DACH1: variants seen among roughly 807,000 people sequenced by gnomAD.
DACH1 encodes dachshund family transcription factor 1, also known as dachshund homolog 1.
In DACH1, 12 loss-of-function variants were observed where a neutral mutation model predicts 54.2. The observed-to-expected ratio is 0.22, with a 90% CI of 0.14 to 0.36. The LOEUF is 0.36. DACH1 is among the 10% of genes least tolerant of loss of function. DACH1 has a pLI of 1.00. For missense variants in DACH1, 805 were observed against 929.8 expected (o/e 0.87, Z 1.75); for synonymous variants, 386 against 366.2 (o/e 1.05, Z -0.62).
intron 10 of DACH1, among the ~76,000 whole-genome samples, chr13:71,444,124 A>T (rs1451096512): frequency 6.6e-6 from 1 of 152,112 alleles, no homozygotes; most frequent in East Asian, 1.9e-4. Flanking sequence ...TAAACAGAAC[A>T]AAAATTTCTG....
At chr13:71,826,069 A>G (rs1163560483) in intron 1 of DACH1, among the ~76,000 whole-genome samples, 1 of 152,074 alleles carries the variant, frequency 6.6e-6, no homozygotes, top group East Asian at 1.9e-4. Context: ...CATCTTAAAA[A>G]CTGGAAATTA....
intron 6 of DACH1, among the ~76,000 whole-genome samples, chr13:71,556,536 C>CTATGTAGAT (rs1884262270): frequency 6.6e-6 from 1 of 151,994 alleles, no homozygotes; most frequent in Non-Finnish European, 1.5e-5. Flanking sequence ...ACTTTTTTAG[C>CTATGTAGAT]TATGTAGAAC....
At chr13:71,562,805 A>C (rs1364457556) in intron 4 of DACH1, among the ~76,000 whole-genome samples, 2 of 152,142 alleles carry the variant, frequency 1.3e-5, no homozygotes, top group Non-Finnish European at 2.9e-5. Context: ...TTCAAATGGC[A>C]ATATTCTCAT....
At position 71,489,130 on chromosome 13, in the gene DACH1, G is replaced by A. The variant is rs767975072; in HGVS notation, c.1589C>T (p.Thr530Ile). ...GTCAAGGCTGTCTCTTGCGGTTGGT[G>A]TAGAAAGCGGGGTCTCATCTGCATG... ...HIEKDETPLS[T>I]PTARDSLDKL... The change falls in exon 7 of 11, where the codon ACA (threonine) becomes ATA (isoleucine). Residue 530 changes from threonine to isoleucine, a missense_variant. This residue lies in a region of DACH1 where 472 missense variants were observed against 545.3 expected (regional missense o/e 0.87). Coordinates refer to ENST00000613252, the MANE Select transcript of DACH1 (RefSeq NM_080759.6). 1 of 1,613,418 alleles carries A rather than the reference G, an allele frequency of 6.2e-7. No individual in the cohort carries two copies. The highest frequency in any genetic ancestry group is 8.5e-7 in the Non-Finnish European group (1 of 1,179,548).
intron 1 of DACH1, among the ~76,000 whole-genome samples, chr13:71,723,985 C>A (rs904336184): frequency 6.6e-6 from 1 of 152,148 alleles, no homozygotes; most frequent in Admixed American, 6.6e-5. Context: ...ACCACTGCAC[C>A]TGGCCTGTTT....
intron 2 of DACH1, among the ~76,000 whole-genome samples, chr13:71,665,697 T>C (rs1435633830): frequency 1.3e-5 from 2 of 152,070 alleles, no homozygotes; most frequent in East Asian, 3.8e-4. Context: ...AAAAAGTTCA[T>C]CTAACAATTT....
rs556098408 is a variant in DACH1, at chr13:71,587,027, CAT to C, written c.1127-14017_1127-14016del. Among the ~76,000 whole-genome samples, 47 of 152,228 alleles carry C rather than the reference CAT, an allele frequency of 3.1e-4. 1 individual carries two copies. The South Asian group carries it at 9.5e-3, about 31-fold the overall frequency. ...ATAAAGTTTCAAGCAGGTCGCTACA[CAT>C]AGACTGCTTTTAAAAATTCAAAAAA... On this transcript the variant is annotated intron_variant, in intron 3 of 10. Transcript: ENST00000613252.
At chr13:71,571,343 A>C (rs1416732849) in intron 4 of DACH1, among the ~76,000 whole-genome samples, 1 of 152,214 alleles carries the variant, frequency 6.6e-6, no homozygotes, top group Non-Finnish European at 1.5e-5. Flanking sequence ...CTCCTCTTCT[A>C]GATAACTTTA....
chr13:71,716,339 G>A (rs1008311821), intron 1 of DACH1, among the ~76,000 whole-genome samples: 2 of 151,900 alleles, frequency 1.3e-5, no homozygotes, highest in African/African-American at 4.8e-5. Flanking sequence ...TGCCTTCTGC[G>A]AATCTAAATA....
At chr13:71,579,797 G>C (rs983832851) in intron 3 of DACH1, among the ~76,000 whole-genome samples, 1 of 152,140 alleles carries the variant, frequency 6.6e-6, no homozygotes, top group African/African-American at 2.4e-5. Flanking sequence ...GTGCAGAAGA[G>C]AGAGATAACT....
chr13:71,752,743 TTAATC>T (rs1260596856), intron 1 of DACH1, among the ~76,000 whole-genome samples: 1 of 152,212 alleles, frequency 6.6e-6, no homozygotes, highest in Non-Finnish European at 1.5e-5. Flanking sequence ...TTCAAACTCC[TTAATC>T]TAGTCATTGA....
intron 1 of DACH1, among the ~76,000 whole-genome samples, chr13:71,825,505 T>C (rs952504362): frequency 6.6e-6 from 1 of 152,124 alleles, no homozygotes; most frequent in Admixed American, 6.6e-5. Context: ...ACTTTAGGTG[T>C]GAGTAATTTT....
At chr13:71,806,372 C>G (rs938579902) in intron 1 of DACH1, among the ~76,000 whole-genome samples, 1 of 152,062 alleles carries the variant, frequency 6.6e-6, no homozygotes, top group South Asian at 2.1e-4. Context: ...TGATATGTGG[C>G]ATTAATGTTA....
intron 1 of DACH1, among the ~76,000 whole-genome samples, chr13:71,734,884 C>A (rs535091488): frequency 6.8e-6 from 1 of 146,120 alleles, no homozygotes; most frequent in Admixed American, 6.9e-5. Context: ...TATACATATA[C>A]GTATATCCCA....
At chr13:71,767,086 T>C (rs1885666121) in intron 1 of DACH1, among the ~76,000 whole-genome samples, 1 of 152,180 alleles carries the variant, frequency 6.6e-6, no homozygotes, top group South Asian at 2.1e-4. Context: ...TCCTAATAAT[T>C]AATTACTTAG....
In DACH1 at chr13:71,472,669, GGAGA is replaced by G. The variant is rs559296064; in HGVS notation, c.2083+2468_2083+2471del. Among the ~76,000 whole-genome samples the G allele has an allele frequency of 2.8e-3, 426 of 152,300 alleles. 1 individual carries two copies. The highest frequency in any genetic ancestry group is 9.0e-3 in the African/African-American group (374 of 41,560). ...ATAACACCTGGGCTTGGGGACAGTT[GGAGA>G]GAGAAAGTGATGAGTGTGAGAGGCT... On this transcript the variant is annotated intron_variant, in intron 10 of 10. Coordinates refer to ENST00000613252, the MANE Select transcript of DACH1 (RefSeq NM_080759.6).
intron 3 of DACH1, among the ~76,000 whole-genome samples, chr13:71,591,331 T>A (rs1873695039): frequency 6.6e-6 from 1 of 152,156 alleles, no homozygotes; most frequent in Non-Finnish European, 1.5e-5. Context: ...GAGCTTTTTT[T>A]ATAATCCATA....
At chr13:71,565,143 G>T (rs1173582036) in intron 4 of DACH1, among the ~76,000 whole-genome samples, 2 of 152,000 alleles carry the variant, frequency 1.3e-5, no homozygotes, top group Non-Finnish European at 2.9e-5. Flanking sequence ...GCTGGTCTAA[G>T]TGATCCACCA....
chr13:71,734,112 A>G (rs969526180), intron 1 of DACH1, among the ~76,000 whole-genome samples: 3 of 151,362 alleles, frequency 2.0e-5, no homozygotes, highest in African/African-American at 7.3e-5. Flanking sequence ...GTATATATAT[A>G]TGTATATGGG....
Sources: gnomAD v4.1 joint callset for allele counts (sites outside exome capture counted in the v4.1 genomes callset) on GRCh38, gnomAD v4.1.1 for gene constraint, gnomAD v4.1.1 regional missense constraint, MANE v1.5 for transcripts, NCBI Gene and HGNC (gene_info 2026-07-23, HGNC 2026-07-21) for gene names.